The following ECPAS variants were observed in gnomAD, a reference collection of about 807,000 sequenced individuals.
ECPAS encodes proteasome adapter and scaffold protein ECM29.
In ECPAS, 70 loss-of-function variants were observed where a neutral mutation model predicts 255.1. The ratio of observed to expected loss-of-function variants is 0.27; its 90% CI spans 0.23 to 0.33. ECPAS has a LOEUF of 0.33. ECPAS is among the 10% of genes least tolerant of loss of function. ECPAS has a pLI of 1.00. For synonymous variants in ECPAS, 784 were observed against 775.0 expected (o/e 1.01, Z -0.19); for missense variants, 1,817 against 2,206.4 (o/e 0.82, Z 3.54).
At chr9:111,482,417 T>C (rs192039527) in intron 1 of ECPAS, among the ~76,000 whole-genome samples, 1 of 152,354 alleles carries the variant, frequency 6.6e-6, no homozygotes, top group East Asian at 1.9e-4. Flanking sequence ...ACAAGGTTGC[T>C]ATGAGGGCAA....
chr9:111,389,528 C>T, intron 31 of ECPAS, 28 bp downstream of exon 31: 2 of 1,600,070 alleles, frequency 1.2e-6, no homozygotes, highest in Non-Finnish European at 1.7e-6. Flanking sequence ...ACAGTGTTTT[C>T]CTAACACAGG....
At chr9:111,469,406 C>T (rs527448137) in intron 2 of ECPAS, among the ~76,000 whole-genome samples, 1 of 151,590 alleles carries the variant, frequency 6.6e-6, no homozygotes, top group South Asian at 2.1e-4. Context: ...TGGTGACGGG[C>T]GCCTGCAATC....
At chr9:111,396,542 T>C (rs1241354389) in intron 25 of ECPAS, among the ~76,000 whole-genome samples, 1 of 152,128 alleles carries the variant, frequency 6.6e-6, no homozygotes, top group African/African-American at 2.4e-5. Context: ...AGTTAACTAA[T>C]TTCATGCTGT....
intron 11 of ECPAS, 122 bp from the exon 12 acceptor site, chr9:111,425,618 C>T (rs2098220439): frequency 1.0e-6 from 1 of 1,002,548 alleles, no homozygotes; most frequent in Non-Finnish European, 1.4e-6. Context: ...TATTAAAATA[C>T]AAAAATTTTT....
chr9:111,476,574 A>ATTTTTTTTTTTTTTTTTTTTTTTTTTT (rs58723893), intron 1 of ECPAS, among the ~76,000 whole-genome samples: 3 of 105,946 alleles, frequency 2.8e-5, no homozygotes, highest in African/African-American at 3.8e-5. Flanking sequence ...TAACATCAGA[A>ATTTTTTTTTTTTTTTTTTTTTTTTTTT]TTTTTTTTTT....
chr9:111,474,892 A>C (rs1253098508), intron 1 of ECPAS, among the ~76,000 whole-genome samples: 1 of 152,228 alleles, frequency 6.6e-6, no homozygotes, highest in African/African-American at 2.4e-5. Context: ...GCATGGGCCA[A>C]GTCTCAAACC....
intron 2 of ECPAS, among the ~76,000 whole-genome samples, chr9:111,458,745 C>T (rs1204324889): frequency 1.3e-5 from 2 of 152,116 alleles, no homozygotes; most frequent in Admixed American, 6.6e-5. Flanking sequence ...TCAGGTGAGC[C>T]GGTGAGCTTC....
intron 20 of ECPAS, among the ~76,000 whole-genome samples, chr9:111,413,483 A>G (rs1279990368): frequency 6.6e-6 from 1 of 152,198 alleles, no homozygotes; most frequent in Non-Finnish European, 1.5e-5. Flanking sequence ...TCTAGAAAGC[A>G]TGCCATATAT....
intron 2 of ECPAS, among the ~76,000 whole-genome samples, chr9:111,453,927 G>C (rs759896937): frequency 6.6e-6 from 1 of 151,508 alleles, no homozygotes; most frequent in Non-Finnish European, 1.5e-5. Flanking sequence ...TCCTGGGGGG[G>C]AAAAAAGGAC....
intron 25 of ECPAS, among the ~76,000 whole-genome samples, chr9:111,395,416 T>C (rs1416814543): frequency 1.3e-5 from 2 of 152,182 alleles, no homozygotes; most frequent in African/African-American, 2.4e-5. Flanking sequence ...GAGAATGACA[T>C]AGAACACGCA....
chr9:111,394,971 C>T (rs1300350151), intron 25 of ECPAS, among the ~76,000 whole-genome samples: 1 of 152,212 alleles, frequency 6.6e-6, no homozygotes, highest in African/African-American at 2.4e-5. Flanking sequence ...CAGCCTTTTA[C>T]CTTCTCTTCT....
chr9:111,382,260 CT>C (rs35441317), intron 35 of ECPAS, among the ~76,000 whole-genome samples: 18,348 of 107,428 alleles, frequency 0.17, 989 homozygotes, highest in East Asian at 0.27. Flanking sequence ...AAAAGTGATA[CT>C]TTTTTTTTTT....
At position 111,422,010 on chromosome 9, in the gene ECPAS, C is replaced by T; in HGVS notation, c.1366G>A (p.Ala456Thr). Residue 456 changes from alanine (A) to threonine (T), a missense_variant, in exon 15 of 50, where the codon GCT (alanine) becomes ACT (threonine). By Grantham distance (58) the Ala-to-Thr change is moderately conservative. This residue lies in a region of ECPAS where 573 missense variants were observed against 716.2 expected (regional missense o/e 0.80). Transcript: ENST00000684092. ...EPETRLAIQE[A>T]LSMMVGAYST... ...TACGCTCCAACCATCATAGATAAAG[C>T]TTCTTGAATAGCAAGTCGAGTCTCA... The T allele has an allele frequency of 6.2e-7, 1 of 1,613,754 alleles. No homozygotes were observed. Among genetic ancestry groups the T allele is most frequent in the South Asian group, 1.1e-5 (1 of 91,082 alleles).
At chr9:111,407,345 T>C in intron 24 of ECPAS, among the ~76,000 whole-genome samples, 1 of 115,288 alleles carries the variant, frequency 8.7e-6, no homozygotes, top group South Asian at 2.7e-4. Flanking sequence ...GAGGTTGCAG[T>C]GAGCCAAGAT....
In ECPAS at chr9:111,361,954, C is replaced by A; in HGVS notation, c.*76G>T. 6.6e-7 allele frequency: 1 copy of A among 1,517,838 alleles called. No homozygotes were observed. Among genetic ancestry groups the A allele is most frequent in the Non-Finnish European group, 8.9e-7 (1 of 1,125,884 alleles). The allele number at this position is 1,517,838 out of a possible 1,614,324, so 94.0% of individuals were successfully genotyped here. A position where few individuals can be genotyped will look rare whatever the true frequency, so the allele number is the denominator to read the frequency against. Reference sequence around the variant, plus strand: ...CTACAGATTAATCTTTACTTTTTCCCACTTGGTTTTTCAAAGAACACCACC... The same window carrying A: ...CTACAGATTAATCTTTACTTTTTCCAACTTGGTTTTTCAAAGAACACCACC... On this transcript the variant is annotated 3_prime_UTR_variant, in exon 50 of 50. Coordinates refer to ENST00000684092, the MANE Select transcript of ECPAS (RefSeq NM_001364929.1).
At chr9:111,440,814 C>T (rs1256633091) in intron 5 of ECPAS, among the ~76,000 whole-genome samples, 3 of 152,154 alleles carry the variant, frequency 2.0e-5, no homozygotes, top group Non-Finnish European at 4.4e-5. Context: ...GAAGTTTCCA[C>T]AAGAGATTTT....
At chr9:111,469,683 C>T (rs1448280961) in intron 2 of ECPAS, among the ~76,000 whole-genome samples, 3 of 151,846 alleles carry the variant, frequency 2.0e-5, no homozygotes, top group Admixed American at 2.0e-4. Context: ...GTGGCGGGCG[C>T]CTGTAGTCCT....
chr9:111,442,657 G>A (rs747289585), intron 4 of ECPAS, among the ~76,000 whole-genome samples: 14 of 152,090 alleles, frequency 9.2e-5, no homozygotes, highest in Non-Finnish European at 2.1e-4. Context: ...GAGGTAGCAT[G>A]GACTAATCTA....
chr9:111,421,882 C>T (rs1421514179), intron 15 of ECPAS, 39 bp downstream of exon 15: 1 of 1,592,866 alleles, frequency 6.3e-7, no homozygotes, highest in East Asian at 2.2e-5. Flanking sequence ...AAAATGTAAA[C>T]CGTATACTAC....
Sources: gnomAD v4.1 joint callset for allele counts (sites outside exome capture counted in the v4.1 genomes callset) on GRCh38, gnomAD v4.1.1 for gene constraint, gnomAD v4.1.1 regional missense constraint, MANE v1.5 for transcripts, NCBI Gene and HGNC (gene_info 2026-07-23, HGNC 2026-07-21) for gene names.